TRIM52: variants seen among roughly 807,000 people sequenced by gnomAD.
TRIM52 encodes the protein E3 ubiquitin-protein ligase TRIM52.
Under a neutral mutation model 27.0 loss-of-function variants are expected in TRIM52, and 24 were observed. The observed-to-expected ratio is 0.89, with a 90% CI of 0.64 to 1.25. The LOEUF is 1.25. TRIM52 is among the 50% of genes most tolerant of loss of function. The pLI, the probability that TRIM52 is intolerant of heterozygous loss-of-function variation, is 0.00. For missense variants in TRIM52, 351 were observed against 354.7 expected, an observed-to-expected ratio of 0.99 and a Z score of 0.08; for synonymous variants, 125 against 126.5, an observed-to-expected ratio of 0.99 and a Z score of 0.08.
chr5:181,256,203 A>C lies in TRIM52; in HGVS notation c.*606T>G, dbSNP rs1416198285. The C allele has an allele frequency of 2.0e-5, 3 of 151,756 alleles. No individual in the cohort carries two copies. The highest frequency in any genetic ancestry group is 4.4e-5 in the Non-Finnish European group (3 of 67,900). 9.4% of individuals were successfully genotyped at this position (151,756 alleles called of 1,614,324 possible). ...ATATACTCCTATACAATTTCCTCCA[A>C]CTCGGTTCATTTGATACAGCTGCAA... On this transcript the variant is annotated 3_prime_UTR_variant, in exon 2 of 2. Transcript: ENST00000688015.
downstream of TRIM52, among the ~76,000 whole-genome samples, chr5:181,250,188 GCA>G (rs1043319710): frequency 4.6e-5 from 7 of 152,112 alleles, no homozygotes; most frequent in Admixed American, 1.3e-4. Flanking sequence ...GGGTGCTTTG[GCA>G]GATACAGAGT....
downstream of TRIM52, among the ~76,000 whole-genome samples, chr5:181,249,472 C>G (rs913211094): frequency 2.0e-5 from 3 of 152,114 alleles, no homozygotes; most frequent in African/African-American, 7.2e-5. Flanking sequence ...CACTTGAACT[C>G]AGGTGTTCAA....
rs757388056 is a variant in TRIM52 at position 181,260,609 on chromosome 5, C to G, written c.205G>C (p.Glu69Gln). ...CCATCCATGGCCCCCACCGCTTCCT[C>G]GTCCTCCTCCTCCTCCCATTCATCT... ...EEDEWEEEEDEEAVGAMDGWD... is the reference protein window; with the variant it reads ...EEDEWEEEEDQEAVGAMDGWD... The change falls in exon 1 of 2, where the codon GAG becomes CAG. Residue 69 changes from glutamate (E) to glutamine (Q), a missense_variant. Transcript: ENST00000688015. This position sits in a 1 kb window ranked among gnomAD's most constrained non-coding sequence, Gnocchi z 4.4. 2 of 1,613,988 alleles carry G rather than the reference C, an allele frequency of 1.2e-6. No homozygotes were observed. The highest frequency in any genetic ancestry group is 2.2e-5 in the South Asian group (2 of 91,064).
downstream of TRIM52, among the ~76,000 whole-genome samples, chr5:181,251,541 G>A (rs1195948305): frequency 6.6e-6 from 1 of 152,168 alleles, no homozygotes; most frequent in Non-Finnish European, 1.5e-5. Flanking sequence ...CTTTGGGGGA[G>A]GGAGGAGGTG....
intron 1 of TRIM52, chr5:181,257,383 C>T: frequency 6.3e-7 from 1 of 1,584,642 alleles, no homozygotes; most frequent in Non-Finnish European, 8.6e-7. Context: ...TTAATGAACA[C>T]CTCCTGTGGC....
chr5:181,250,535 CAAAAAAAGAAAA>C (rs1261661623), downstream of TRIM52, among the ~76,000 whole-genome samples: 26 of 146,788 alleles, frequency 1.8e-4, no homozygotes, highest in Middle Eastern at 3.5e-3. Context: ...GACTGCATCT[CAAAAAAAGAAAA>C]AAAAAAAGAA....
At position 181,260,018 on chromosome 5, in the gene TRIM52, C is replaced by T. The variant is rs779655052; in HGVS notation, c.796G>A (p.Val266Met). 3.1e-6 allele frequency: 5 copies of T among 1,614,014 alleles called. No individual in the cohort carries two copies. The highest frequency in any genetic ancestry group is 4.2e-6 in the Non-Finnish European group (5 of 1,180,044). The change falls in exon 1 of 2, where the codon GTG becomes ATG. Residue 266 changes from valine (V) to methionine (M), a missense_variant. Coordinates refer to ENST00000688015, the MANE Select transcript of TRIM52 (RefSeq NM_001346048.2). The surrounding 1 kb of genome is among the most constrained non-coding windows in gnomAD (Gnocchi z 4.4). ...KQHSVLPLEE[V>M]VQEYQKIGST... ...TCTCTCACCTGGTACTCCTGCACCA[C>T]CTCCTCCAAAGGCAGCACGCTGTGC...
Position 181,260,065 on chromosome 5 carries a change from C to T in TRIM52, c.749G>A (p.Arg250Gln). ...VDKEAICVVC[R>Q]ESRSHKQHSV... ...GTGCTGTTTGTGGCTCCTGGATTCT[C>T]GGCACACCACACAGATGGCCTCTTT... Residue 250 changes from arginine to glutamine, a missense_variant, in exon 1 of 2, where the codon CGA becomes CAA. Arg to Gln is a conservative substitution (Grantham distance 43). Transcript: ENST00000688015. The surrounding 1 kb of genome is among the most constrained non-coding windows in gnomAD (Gnocchi z 4.4). 6.2e-7 allele frequency: 1 copy of T among 1,614,220 alleles called. No individual in the cohort carries two copies. The highest frequency in any genetic ancestry group is 8.5e-7 in the Non-Finnish European group (1 of 1,180,048).
chr5:181,256,901 A>AT (rs563676065), intron 1 of TRIM52, 42 bp from the exon 2 acceptor site: 49 of 980,280 alleles, frequency 5.0e-5, no homozygotes, highest in South Asian at 3.8e-4. Flanking sequence ...AAGCCTCAAC[A>AT]TTTTTTTTTG....
At chr5:181,259,228 T>C (rs1287012432) in intron 1 of TRIM52, 2 of 152,400 alleles carry the variant, frequency 1.3e-5, no homozygotes, top group South Asian at 4.1e-4. Flanking sequence ...GGTTAACATA[T>C]ATGATCTCTT....
intron 1 of TRIM52, chr5:181,257,739 C>A: frequency 4.0e-6 from 1 of 251,854 alleles, no homozygotes; most frequent in Non-Finnish European, 7.6e-6. Flanking sequence ...CATCTGTAAT[C>A]CCAGCACTTT....
At chr5:181,251,197 G>C (rs536694964), downstream of TRIM52, among the ~76,000 whole-genome samples, 2 of 152,192 alleles carry the variant, frequency 1.3e-5, no homozygotes, top group South Asian at 4.2e-4. Flanking sequence ...TGGAGGCTGA[G>C]GCAGGAGAAC....
chr5:181,253,027 T>G (rs1183768400), downstream of TRIM52, among the ~76,000 whole-genome samples: 2 of 150,542 alleles, frequency 1.3e-5, no homozygotes, highest in African/African-American at 4.9e-5. Context: ...CCACTGATAC[T>G]CAGGGTACTT....
At chr5:181,252,221 T>C (rs187506126), downstream of TRIM52, among the ~76,000 whole-genome samples, 1 of 152,332 alleles carries the variant, frequency 6.6e-6, no homozygotes, top group East Asian at 1.9e-4. Flanking sequence ...AAGAAAATTG[T>C]TTCATTTCTG....
Position 181,255,780 on chromosome 5 carries a change from A to G in TRIM52, c.*1029T>C, listed in dbSNP as rs1455853185. On this transcript the variant is annotated 3_prime_UTR_variant, in exon 2 of 2. Transcript: ENST00000688015. ...TTTGCCCATTGACATTTCAGTGTCA[A>G]TGTATTTTAAGCTTCAGTGTGTTAA... The G allele has an allele frequency of 3.9e-5, 6 of 152,328 alleles. No homozygotes were observed. In the East Asian group the frequency reaches 5.8e-4, roughly 15 times the overall value. The allele number at this position is 152,328 out of a possible 1,614,324, so 9.4% of individuals were successfully genotyped here.
At chr5:181,251,601 C>A (rs1229506227), downstream of TRIM52, among the ~76,000 whole-genome samples, 1 of 152,172 alleles carries the variant, frequency 6.6e-6, no homozygotes, top group African/African-American at 2.4e-5. Flanking sequence ...TGCAGGTCTC[C>A]TGATAGCAGG....
chr5:181,260,817 A>G lies in TRIM52; in HGVS notation c.-4T>C, dbSNP rs748779964. The stretch of plus-strand genomic sequence containing the variant: ...GAGTAGTGGCATAACCAGCCATCTT[A>G]ATGCCCGCCGGCAGGTGTAGATACG... On this transcript the variant is annotated 5_prime_UTR_variant, in exon 1 of 2. Coordinates refer to ENST00000688015, the MANE Select transcript of TRIM52 (RefSeq NM_001346048.2). This position sits in a 1 kb window ranked among gnomAD's most constrained non-coding sequence, Gnocchi z 4.4. 3.8e-6 allele frequency: 6 copies of G among 1,575,468 alleles called. No individual in the cohort carries two copies. In the South Asian group the frequency reaches 7.0e-5, roughly 18 times the overall value.
intron 1 of TRIM52, chr5:181,258,388 T>C (rs1759877168): frequency 6.7e-6 from 1 of 150,182 alleles, no homozygotes; most frequent in Non-Finnish European, 1.5e-5. Context: ...AGATACCGTC[T>C]CAAAAAAAAA....
chr5:181,260,833 T>G lies in TRIM52; in HGVS notation c.-20A>C, dbSNP rs1364823622. ...AGCCATCTTAATGCCCGCCGGCAGG[T>G]GTAGATACGTCAGCTTGGAGCTGAG... On this transcript the variant is annotated 5_prime_UTR_variant, in exon 1 of 2. Transcript: ENST00000688015. The surrounding 1 kb of genome is among the most constrained non-coding windows in gnomAD (Gnocchi z 4.4). The G allele has an allele frequency of 2.6e-6, 4 of 1,565,368 alleles. No homozygotes were observed. Among genetic ancestry groups the G allele is most frequent in the Non-Finnish European group, 3.5e-6 (4 of 1,152,910 alleles).
Sources: allele counts gnomAD v4.1 joint callset (sites outside exome capture counted in the v4.1 genomes callset), GRCh38; gene constraint gnomAD v4.1.1; non-coding constraint Gnocchi (gnomAD v3.1); transcripts MANE v1.5; gene names NCBI Gene and HGNC (gene_info 2026-07-23, HGNC 2026-07-21).